TRIM2: variants seen among roughly 807,000 people sequenced by gnomAD.
TRIM2 encodes tripartite motif-containing protein 2.
TRIM2 carries 20 observed loss-of-function variants against 75.2 expected under a neutral mutation model. The observed-to-expected ratio is 0.27, with a 90% CI of 0.19 to 0.39. The LOEUF (loss-of-function observed/expected upper bound fraction) is 0.39. TRIM2 is among the 10% of genes least tolerant of loss of function. The pLI is 1.00. For missense variants in TRIM2, 660 were observed against 990.8 expected (o/e 0.67, Z 4.48); for synonymous variants, 373 against 388.3 (o/e 0.96, Z 0.46).
At chr4:153,322,320 A>G (rs974826691) in intron 8 of TRIM2, among the ~76,000 whole-genome samples, 5 of 152,218 alleles carry the variant, frequency 3.3e-5, no homozygotes, top group African/African-American at 1.2e-4. Context: ...CTGAGGCAGG[A>G]GAATTGCATG....
intron 6 of TRIM2, chr4:153,310,004 G>A (rs1186227405): frequency 6.6e-6 from 1 of 152,054 alleles, no homozygotes; most frequent in Admixed American, 6.6e-5. Context: ...TCAGTCTAAG[G>A]GTTCACCTTA....
intron 11 of TRIM2, 75 bp downstream of exon 11, chr4:153,328,745 A>G: frequency 6.9e-7 from 1 of 1,454,262 alleles, no homozygotes; most frequent in Non-Finnish European, 9.1e-7. Flanking sequence ...TGTCCCCCAA[A>G]CTGGAATGTT....
intron 1 of TRIM2, among the ~76,000 whole-genome samples, chr4:153,176,454 A>G (rs940776300): frequency 4.1e-5 from 6 of 145,484 alleles, no homozygotes; most frequent in Non-Finnish European, 7.7e-5. Flanking sequence ...TCCTGTGTCA[A>G]AAAAAAAAAG....
intron 1 of TRIM2, among the ~76,000 whole-genome samples, chr4:153,167,575 C>T (rs919181594): frequency 3.3e-5 from 5 of 152,210 alleles, no homozygotes; most frequent in African/African-American, 4.8e-5. Context: ...ACTTTACTCT[C>T]GCAGTCTTAC....
intron 1 of TRIM2, among the ~76,000 whole-genome samples, chr4:153,236,683 CT>C (rs58755039): frequency 1.5e-5 from 2 of 136,558 alleles, no homozygotes; most frequent in African/African-American, 6.7e-5. Context: ...CTTTTCTTTT[CT>C]TTTTCCTTTC....
upstream of TRIM2, among the ~76,000 whole-genome samples, chr4:153,201,216 G>A (rs1181262055): frequency 1.3e-5 from 2 of 152,160 alleles, no homozygotes; most frequent in Admixed American, 6.5e-5. Context: ...CACCCAACTC[G>A]GCCTCCCAAA....
chr4:153,232,561 A>C (rs964829856), intron 1 of TRIM2, among the ~76,000 whole-genome samples: 43 of 152,082 alleles, frequency 2.8e-4, no homozygotes, highest in African/African-American at 8.5e-4. Flanking sequence ...CAGCACAGTG[A>C]GAGGCAAAGA....
chr4:153,209,566 C>T (rs1369568681), intron 1 of TRIM2, among the ~76,000 whole-genome samples: 3 of 152,118 alleles, frequency 2.0e-5, no homozygotes, highest in Admixed American at 6.5e-5. Flanking sequence ...CTTCAAGTAC[C>T]GTACTTAACA....
chr4:153,295,282 C>G lies in TRIM2; in HGVS notation c.787-31C>G, dbSNP rs915311727. On this transcript the variant is annotated intron_variant, in intron 5 of 11. Coordinates refer to ENST00000338700, the MANE Select transcript of TRIM2 (RefSeq NM_015271.5). The surrounding 1 kb of genome is among the most constrained non-coding windows in gnomAD (Gnocchi z 7.2). ...CCGGGCTAGGCCCCGCCCTGTGGGACGAGCTCACCAGGCCTCCGGTTTTCC... is the reference window on the plus strand; with the variant it reads ...CCGGGCTAGGCCCCGCCCTGTGGGAGGAGCTCACCAGGCCTCCGGTTTTCC... 2 of 1,537,706 alleles carry G rather than the reference C, an allele frequency of 1.3e-6. No individual in the cohort carries two copies. Among genetic ancestry groups the G allele is most frequent in the Non-Finnish European group, 1.8e-6 (2 of 1,142,576 alleles).
At chr4:153,286,550 G>GT (rs1485195301) in intron 3 of TRIM2, among the ~76,000 whole-genome samples, 3 of 151,994 alleles carry the variant, frequency 2.0e-5, no homozygotes, top group African/African-American at 7.2e-5. Context: ...TGTCAGTTTT[G>GT]ATAGTTTGTG....
chr4:153,192,133 A>G (rs1198623966), intron 1 of TRIM2, among the ~76,000 whole-genome samples: 1 of 151,760 alleles, frequency 6.6e-6, no homozygotes, highest in Non-Finnish European at 1.5e-5. Context: ...CTCACCCCAC[A>G]CCCTTCCCCA....
chr4:153,313,176 C>T (rs1438376214), intron 6 of TRIM2, among the ~76,000 whole-genome samples: 1 of 152,138 alleles, frequency 6.6e-6, no homozygotes, highest in African/African-American at 2.4e-5. Flanking sequence ...AAACAACTCG[C>T]CATTTCACGA....
At chr4:153,153,527 T>C (rs2149581096) in intron 1 of TRIM2, among the ~76,000 whole-genome samples, 1 of 152,216 alleles carries the variant, frequency 6.6e-6, no homozygotes, top group African/African-American at 2.4e-5. Flanking sequence ...GCCCTATGCT[T>C]TGGGGATCCA....
chr4:153,262,888 A>G (rs893616802), intron 1 of TRIM2, among the ~76,000 whole-genome samples: 3 of 152,210 alleles, frequency 2.0e-5, no homozygotes, highest in Non-Finnish European at 2.9e-5. Flanking sequence ...TAATTTTTCT[A>G]TGCCAGATGT....
chr4:153,161,498 A>G (rs1426562348), intron 1 of TRIM2, among the ~76,000 whole-genome samples: 1 of 152,202 alleles, frequency 6.6e-6, no homozygotes, highest in African/African-American at 2.4e-5. Flanking sequence ...CAGGTGCAGG[A>G]GTTGGAGTCA....
intron 1 of TRIM2, among the ~76,000 whole-genome samples, chr4:153,243,147 G>A (rs1459738060): frequency 6.6e-6 from 1 of 152,242 alleles, no homozygotes; most frequent in Non-Finnish European, 1.5e-5. Flanking sequence ...GAGAGGCCCT[G>A]CCAAGGCAAG....
At chr4:153,330,526 T>C (rs1771221387) in intron 11 of TRIM2, among the ~76,000 whole-genome samples, 2 of 152,316 alleles carry the variant, frequency 1.3e-5, no homozygotes, top group South Asian at 4.1e-4. Context: ...TCTGAGCTAC[T>C]CTGGCTTGGG....
Position 153,204,569 on chromosome 4 carries a change from G to T in TRIM2, c.30+9G>T. The T allele has an allele frequency of 1.9e-6, 3 of 1,551,714 alleles. No individual in the cohort carries two copies. The highest frequency in any genetic ancestry group is 2.6e-6 in the Non-Finnish European group (3 of 1,147,008). On this transcript the variant is annotated intron_variant, in intron 1 of 11. Coordinates refer to ENST00000338700, the MANE Select transcript of TRIM2 (RefSeq NM_015271.5). Reference sequence around the variant, plus strand: ...GCCGTTATGGAACGCAGGTAAGGACGCTTCTCAATGTGGGATAATTCTTTT... The same window carrying T: ...GCCGTTATGGAACGCAGGTAAGGACTCTTCTCAATGTGGGATAATTCTTTT...
At chr4:153,332,397 C>T (rs1771658721) in intron 11 of TRIM2, among the ~76,000 whole-genome samples, 1 of 152,188 alleles carries the variant, frequency 6.6e-6, no homozygotes, top group Admixed American at 6.5e-5. Context: ...GTAATCCCAG[C>T]ACTTTGGGAG....
Sources: allele counts gnomAD v4.1 joint callset (sites outside exome capture counted in the v4.1 genomes callset), GRCh38; gene constraint gnomAD v4.1.1; non-coding constraint Gnocchi (gnomAD v3.1); transcripts MANE v1.5; gene names NCBI Gene and HGNC (gene_info 2026-07-23, HGNC 2026-07-21).